TMEM181: variants seen among roughly 807,000 people sequenced by gnomAD.
The protein encoded by TMEM181 is transmembrane protein 181.
In TMEM181, 39 loss-of-function variants were observed where a neutral mutation model predicts 71.9. The ratio of observed to expected loss-of-function variants is 0.54; its 90% CI spans 0.42 to 0.71. The LOEUF (loss-of-function observed/expected upper bound fraction) is 0.71, where lower values mean the gene tolerates loss of function less well. Among genes scored for constraint, TMEM181 ranks in the 30% least tolerant of loss-of-function variants. The probability of loss-of-function intolerance (pLI) is 0.00; values close to 1 mark genes in which losing one functional copy is unlikely to be tolerated. For missense variants in TMEM181, 595 were observed against 583.0 expected, an observed-to-expected ratio of 1.02 and a Z score of -0.21; for synonymous variants, 245 against 228.8, an observed-to-expected ratio of 1.07 and a Z score of -0.64.
chr6:158,628,930 C>T (rs1207599786), intron 14 of TMEM181, among the ~76,000 whole-genome samples: 1 of 152,180 alleles, frequency 6.6e-6, no homozygotes, highest in Admixed American at 6.5e-5. Context: ...CCTCCTGTCT[C>T]CCCCCGGGAT....
At chr6:158,605,211 T>C (rs1784890074) in intron 6 of TMEM181, 56 bp from the exon 7 acceptor site, 4 of 1,383,216 alleles carry the variant, frequency 2.9e-6, no homozygotes, top group Non-Finnish European at 4.1e-6. Context: ...CTGGTGTATT[T>C]TCTCTTAGAT....
chr6:158,544,108 C>A (rs1486814684), intron 1 of TMEM181, among the ~76,000 whole-genome samples: 1 of 151,838 alleles, frequency 6.6e-6, no homozygotes, highest in African/African-American at 2.4e-5. Context: ...GGCTCCGTCT[C>A]CCCGGCAGAG....
At chr6:158,627,590 GC>G in intron 13 of TMEM181, among the ~76,000 whole-genome samples, 1 of 146,002 alleles carries the variant, frequency 6.8e-6, no homozygotes, top group Non-Finnish European at 1.5e-5. Flanking sequence ...TGGGGTGGCT[GC>G]CCCAGGCCGC....
In TMEM181 at chr6:158,629,822, A is replaced by G; in HGVS notation, c.1282+3A>G. 1.2e-6 allele frequency: 2 copies of G among 1,612,988 alleles called. No individual in the cohort carries two copies. Among genetic ancestry groups the G allele is most frequent in the Non-Finnish European group, 1.7e-6 (2 of 1,178,982 alleles). On this transcript the variant is annotated splice_donor_region_variant and intron_variant, in intron 15 of 16. Coordinates refer to ENST00000684151, the MANE Select transcript of TMEM181 (RefSeq NM_001376852.1). ...TCCATCGAAGAATGCCCTCTATGGT[A>G]AGCCACCCTGGGGTCTGGACTGCTG... is the stretch of plus-strand genomic sequence containing the variant.
At chr6:158,626,763 C>T (rs1786298453) in intron 13 of TMEM181, 1 of 457,048 alleles carries the variant, frequency 2.2e-6, no homozygotes, top group African/African-American at 2.0e-5. Flanking sequence ...CTCACAACCT[C>T]ACATAGAGGC....
At chr6:158,627,805 T>TAATG (rs57016765) in intron 13 of TMEM181, among the ~76,000 whole-genome samples, 96,885 of 151,536 alleles carry the variant, frequency 0.64, 31,715 homozygotes, top group African/African-American at 0.77. Flanking sequence ...GTGCACATGT[T>TAATG]AAGCCTTCTG....
intron 6 of TMEM181, among the ~76,000 whole-genome samples, chr6:158,599,835 G>A (rs1195275401): frequency 2.6e-5 from 4 of 152,272 alleles, no homozygotes; most frequent in African/African-American, 7.2e-5. Context: ...TGGCACAAAC[G>A]CATGTCAGAT....
intron 1 of TMEM181, among the ~76,000 whole-genome samples, chr6:158,552,003 A>G (rs1179348307): frequency 6.6e-6 from 1 of 152,234 alleles, no homozygotes; most frequent in Non-Finnish European, 1.5e-5. Context: ...AAAGATGTCA[A>G]AAAGTTTACA....
chr6:158,585,855 T>C (rs1470748693), intron 5 of TMEM181, among the ~76,000 whole-genome samples: 1 of 152,206 alleles, frequency 6.6e-6, no homozygotes, highest in Non-Finnish European at 1.5e-5. Context: ...GACAGGTTTT[T>C]GCTCTGTCAA....
intron 6 of TMEM181, among the ~76,000 whole-genome samples, chr6:158,594,776 C>T (rs2128308249): frequency 6.6e-6 from 1 of 152,292 alleles, no homozygotes; most frequent in Middle Eastern, 3.4e-3. Flanking sequence ...CAACCTCTGC[C>T]TCCTGGGTTC....
chr6:158,542,772 T>C (rs190771012), intron 1 of TMEM181, among the ~76,000 whole-genome samples: 2 of 151,276 alleles, frequency 1.3e-5, no homozygotes. Flanking sequence ...ACCTGGCTAA[T>C]TTTTGTATTT....
At chr6:158,594,209 A>T (rs1024961230) in intron 6 of TMEM181, among the ~76,000 whole-genome samples, 1 of 145,712 alleles carries the variant, frequency 6.9e-6, no homozygotes, top group African/African-American at 2.6e-5. Flanking sequence ...AGTGATTCTC[A>T]TACCTTAGCC....
At chr6:158,628,146 T>C (rs4708799) in intron 13 of TMEM181, 444,663 of 633,914 alleles carry the variant, frequency 0.7, 157,922 homozygotes, top group African/African-American at 0.81. Context: ...TGATGGGGCC[T>C]GCAGCAGGGT....
At chr6:158,594,016 C>G (rs57638432) in intron 6 of TMEM181, among the ~76,000 whole-genome samples, 7,333 of 151,852 alleles carry the variant, frequency 0.048, 397 homozygotes, top group East Asian at 0.16. Context: ...CCCTGAAAAT[C>G]CTTTGTGCTT....
intron 6 of TMEM181, among the ~76,000 whole-genome samples, chr6:158,601,921 TCCA>T (rs1163792120): frequency 1.3e-5 from 2 of 152,196 alleles, no homozygotes; most frequent in African/African-American, 2.4e-5. Flanking sequence ...CACTGTGATC[TCCA>T]CTTGCCCATT....
chr6:158,591,753 A>G (rs1173615647), intron 6 of TMEM181, among the ~76,000 whole-genome samples: 1 of 152,022 alleles, frequency 6.6e-6, no homozygotes, highest in Non-Finnish European at 1.5e-5. Context: ...CAAGCCTTTT[A>G]TGGTTCTCAG....
At chr6:158,631,445 G>C in intron 16 of TMEM181, 56 bp downstream of exon 16, 3 of 1,555,942 alleles carry the variant, frequency 1.9e-6, no homozygotes, top group Non-Finnish European at 2.7e-6. Context: ...GCACGGCCTT[G>C]CATGTTTCTG....
chr6:158,572,014 C>T (rs1042888136), intron 1 of TMEM181, among the ~76,000 whole-genome samples: 4 of 152,216 alleles, frequency 2.6e-5, no homozygotes, highest in African/African-American at 4.8e-5. Context: ...CACTGAGTCC[C>T]GGGGCAGCTG....
At chr6:158,560,448 T>TGCCCGCCC (rs567010021) in intron 1 of TMEM181, among the ~76,000 whole-genome samples, 2 of 152,128 alleles carry the variant, frequency 1.3e-5, no homozygotes, top group Non-Finnish European at 2.9e-5. Flanking sequence ...CCCTCCTGCC[T>TGCCCGCCC]GCCCGCCCGG....
Sources: allele counts gnomAD v4.1 joint callset (sites outside exome capture counted in the v4.1 genomes callset), GRCh38; gene constraint gnomAD v4.1.1; transcripts MANE v1.5; gene names NCBI Gene and HGNC (gene_info 2026-07-23, HGNC 2026-07-21).